Variants in PSMD1 observed in about 807,000 individuals in gnomAD.
The protein encoded by PSMD1 is proteasome 26S subunit, non-ATPase 1.
PSMD1 carries 18 observed loss-of-function variants against 119.0 expected under a neutral mutation model. The observed-to-expected ratio is 0.15, with a 90% CI of 0.10 to 0.22. The LOEUF (loss-of-function observed/expected upper bound fraction) is 0.22, where lower values mean the gene tolerates loss of function less well. PSMD1 is among the 10% of genes least tolerant of loss of function. The pLI is 1.00. For synonymous variants in PSMD1, 374 were observed against 396.6 expected (o/e 0.94, Z 0.68); for missense variants, 702 against 1,158.5 (o/e 0.61, Z 5.72).
intron 21 of PSMD1, among the ~76,000 whole-genome samples, chr2:231,164,392 T>C (rs1696708932): frequency 6.6e-6 from 1 of 152,182 alleles, no homozygotes; most frequent in Non-Finnish European, 1.5e-5. Context: ...TAAAGAATAA[T>C]ACATTAAAGA....
intron 16 of PSMD1, among the ~76,000 whole-genome samples, chr2:231,095,864 C>T (rs181558862): frequency 5.9e-5 from 9 of 152,120 alleles, no homozygotes; most frequent in Admixed American, 2.6e-4. Flanking sequence ...TTGGGAATGA[C>T]GAAAATGGGT....
chr2:231,134,018 A>G (rs1051936134), intron 16 of PSMD1, among the ~76,000 whole-genome samples: 1 of 152,224 alleles, frequency 6.6e-6, no homozygotes, highest in Admixed American at 6.5e-5. Flanking sequence ...ATTAGAATGT[A>G]GTTAGCTTAT....
intron 19 of PSMD1, among the ~76,000 whole-genome samples, chr2:231,157,441 T>A (rs183197436): frequency 2.0e-5 from 3 of 150,780 alleles, no homozygotes; most frequent in Admixed American, 1.3e-4. Context: ...TTTTTTTTTT[T>A]TTTTATATCT....
chr2:231,149,273 G>T (rs975697922), intron 18 of PSMD1, among the ~76,000 whole-genome samples: 8 of 152,132 alleles, frequency 5.3e-5, no homozygotes, highest in Non-Finnish European at 1.2e-4. Flanking sequence ...CATTTAACAA[G>T]GGTAATGTTC....
At chr2:231,094,873 T>C (rs1357373980) in intron 16 of PSMD1, among the ~76,000 whole-genome samples, 2 of 152,140 alleles carry the variant, frequency 1.3e-5, no homozygotes, top group African/African-American at 2.4e-5. Flanking sequence ...TGCTTTTTAC[T>C]TGAAGGAATT....
At chr2:231,108,763 C>A in intron 16 of PSMD1, 1 of 1,613,962 alleles carries the variant, frequency 6.2e-7, no homozygotes, top group Non-Finnish European at 8.5e-7. Context: ...ACTTTGTGGC[C>A]CGGTAATTGC....
chr2:231,152,757 G>A (rs1696400076), intron 18 of PSMD1, among the ~76,000 whole-genome samples: 1 of 152,186 alleles, frequency 6.6e-6, no homozygotes, highest in African/African-American at 2.4e-5. Flanking sequence ...TGAACAAGCC[G>A]ACTTCTTCCT....
rs1696417908 is a variant in PSMD1, at chr2:231,153,608, G to A, written c.2160G>A (p.Lys720=). The A allele has an allele frequency of 6.2e-7, 1 of 1,613,678 alleles. No homozygotes were observed. Among genetic ancestry groups the A allele is most frequent in the African/African-American group, 1.3e-5 (1 of 74,846 alleles). ...TGTATTCCAAAGTCATCAATGATAA[G>A]CATGATGATGTCATGGCCAAGTTTG... ...RQLYSKVIND[K]HDDVMAKFGA... The change falls in exon 19 of 25, where the codon AAG becomes AAA. Residue 720 remains lysine, a synonymous_variant. Transcript: ENST00000308696.
chr2:231,109,617 G>A (rs1695087309), intron 16 of PSMD1, among the ~76,000 whole-genome samples: 1 of 152,134 alleles, frequency 6.6e-6, no homozygotes, highest in South Asian at 2.1e-4. Flanking sequence ...AACGGAGATT[G>A]GTTAGTAATT....
intron 8 of PSMD1, among the ~76,000 whole-genome samples, chr2:231,076,665 A>G (rs1419535739): frequency 6.6e-6 from 1 of 152,172 alleles, no homozygotes; most frequent in Non-Finnish European, 1.5e-5. Context: ...AAAAAAAAAA[A>G]TCATATATAT....
chr2:231,096,370 T>C (rs1574725070), intron 16 of PSMD1, among the ~76,000 whole-genome samples: 1 of 152,074 alleles, frequency 6.6e-6, no homozygotes, highest in Non-Finnish European at 1.5e-5. Flanking sequence ...GTAAGGTAGG[T>C]GATGGTTCCT....
At chr2:231,125,488 T>A (rs558589917) in intron 16 of PSMD1, among the ~76,000 whole-genome samples, 41 of 152,236 alleles carry the variant, frequency 2.7e-4, no homozygotes, top group Non-Finnish European at 5.0e-4. Flanking sequence ...CTTTTGTGCC[T>A]TTGCTGTGGA....
chr2:231,090,259 T>C (rs573839319), intron 16 of PSMD1, among the ~76,000 whole-genome samples: 2 of 152,342 alleles, frequency 1.3e-5, no homozygotes, highest in African/African-American at 4.8e-5. Context: ...ATAGCTGCCA[T>C]AGGCTGGGCG....
chr2:231,088,457 T>C (rs768794243), intron 16 of PSMD1, among the ~76,000 whole-genome samples: 1 of 152,272 alleles, frequency 6.6e-6, no homozygotes, highest in Non-Finnish European at 1.5e-5. Context: ...ACCATTTTTC[T>C]AACAATGTGT....
chr2:231,153,457 G>T, intron 18 of PSMD1, 107 bp from the exon 19 acceptor site: 1 of 829,186 alleles, frequency 1.2e-6, no homozygotes. Context: ...TGAGCATTAC[G>T]AAACTCAGAA....
intron 16 of PSMD1, among the ~76,000 whole-genome samples, chr2:231,104,113 G>A (rs1315945588): frequency 2.6e-5 from 4 of 151,934 alleles, no homozygotes; most frequent in Admixed American, 2.0e-4. Context: ...TTAATGTTTT[G>A]TATTGTCAGT....
chr2:231,107,812 G>T (rs548912255), intron 16 of PSMD1, among the ~76,000 whole-genome samples: 1 of 152,278 alleles, frequency 6.6e-6, no homozygotes, highest in East Asian at 1.9e-4. Context: ...ACCTAATGTG[G>T]TTCAGGTACC....
Position 231,123,774 on chromosome 2 carries a change from T to G in PSMD1, c.1884-14962T>G, listed in dbSNP as rs995589753. ...TGTAAGAGAGAGCCATTTGCTGTTT[T>G]TCTGTGATTCAATCCCGTTCCGAAC... On this transcript the variant is annotated intron_variant, in intron 16 of 24. Transcript: ENST00000308696. 4 of 1,596,230 alleles carry G rather than the reference T, an allele frequency of 2.5e-6. No homozygotes were observed. In the African/African-American group the frequency reaches 5.4e-5, roughly 21 times the overall value.
intron 16 of PSMD1, chr2:231,133,677 G>A (rs1695903396): frequency 6.6e-6 from 1 of 152,186 alleles, no homozygotes; most frequent in Non-Finnish European, 1.5e-5. Context: ...ATTTAGAATA[G>A]TGTTTCTGCC....
Sources: allele counts gnomAD v4.1 joint callset (sites outside exome capture counted in the v4.1 genomes callset), GRCh38; gene constraint gnomAD v4.1.1; transcripts MANE v1.5; gene names NCBI Gene and HGNC (gene_info 2026-07-23, HGNC 2026-07-21).